The following NF1 variants were observed in gnomAD, a reference collection of about 807,000 sequenced individuals.
NF1 encodes the protein neurofibromin 1, also known as neurofibromin.
In NF1, 122 loss-of-function variants were observed where a neutral mutation model predicts 325.7. That is an observed-to-expected ratio of 0.37 (90% CI 0.32 to 0.44). NF1 has a LOEUF of 0.44. Among genes scored for constraint, NF1 ranks in the 20% least tolerant of loss-of-function variants. The probability of loss-of-function intolerance (pLI) is 1.00; values close to 1 mark genes in which losing one functional copy is unlikely to be tolerated. For missense variants in NF1, 2,140 were observed against 3,415.4 expected (o/e 0.63, Z 9.31); for synonymous variants, 1,091 against 1,186.0 (o/e 0.92, Z 1.65).
chr17:31,277,134 C>T (rs1009119981), intron 36 of NF1, among the ~76,000 whole-genome samples: 2 of 152,150 alleles, frequency 1.3e-5, no homozygotes, highest in African/African-American at 4.8e-5. Flanking sequence ...TCTTCATCCT[C>T]TTTATCTTCA....
At position 31,337,800 on chromosome 17, in the gene NF1, A is replaced by C. The variant is rs544476647; in HGVS notation, c.6643-19A>C. 1 of 1,612,256 alleles carries C rather than the reference A, an allele frequency of 6.2e-7. No individual in the cohort carries two copies. The highest frequency in any genetic ancestry group is 8.5e-7 in the Non-Finnish European group (1 of 1,178,434). On this transcript the variant is annotated intron_variant, in intron 43 of 57. Transcript: ENST00000358273. ...AAACATTTATGTACAATATGTATTC[A>C]GAGTATCCCCTTTTTTAGGCATGCA...
rs1060503907 is a variant in NF1, at chr17:31,219,058, A to C, written c.1581A>C (p.Thr527=). The C allele has an allele frequency of 1.2e-6, 2 of 1,613,922 alleles. No individual in the cohort carries two copies. Among genetic ancestry groups the C allele is most frequent in the Non-Finnish European group, 1.7e-6 (2 of 1,179,918 alleles). ...ETQGSTAELI[T]GLVQLVPQSH... is the part of the protein sequence containing the mutation. The stretch of plus-strand genomic sequence containing the variant: ...AAGGCAGTACAGCAGAATTAATTAC[A>C]GGGCTCGTCCAACTGGTCCCTCAGT... Residue 527 remains threonine, a synonymous_variant, in exon 14 of 58, where the codon ACA becomes ACC. Coordinates refer to ENST00000358273, the MANE Select transcript of NF1 (RefSeq NM_001042492.3).
chr17:31,211,106 A>G (rs1478876989), intron 12 of NF1, among the ~76,000 whole-genome samples: 1 of 152,192 alleles, frequency 6.6e-6, no homozygotes, highest in African/African-American at 2.4e-5. Flanking sequence ...TAAATTAACA[A>G]GTGGTTTGGG....
At chr17:31,155,253 A>G (rs913632623) in intron 1 of NF1, among the ~76,000 whole-genome samples, 1 of 152,216 alleles carries the variant, frequency 6.6e-6, no homozygotes, top group African/African-American at 2.4e-5. Flanking sequence ...TAAATACAGA[A>G]TGCTATTTTT....
intron 39 of NF1, chr17:31,331,695 C>G (rs2069492119): frequency 6.6e-6 from 1 of 151,694 alleles, no homozygotes; most frequent in Non-Finnish European, 1.5e-5. Flanking sequence ...TCACCGTACA[C>G]CATAAGATAC....
At chr17:31,129,793 A>G (rs1322603754) in intron 1 of NF1, among the ~76,000 whole-genome samples, 1 of 151,950 alleles carries the variant, frequency 6.6e-6, no homozygotes, top group Non-Finnish European at 1.5e-5. Flanking sequence ...TATACTGGCT[A>G]TTTTGTCTGT....
chr17:31,207,371 C>T (rs1358040229), intron 12 of NF1, among the ~76,000 whole-genome samples: 1 of 152,092 alleles, frequency 6.6e-6, no homozygotes, highest in Non-Finnish European at 1.5e-5. Flanking sequence ...ATTTAAACAG[C>T]TTTCTCCCTG....
At chr17:31,153,787 T>C (rs1157721939) in intron 1 of NF1, among the ~76,000 whole-genome samples, 1 of 151,554 alleles carries the variant, frequency 6.6e-6, no homozygotes, top group African/African-American at 2.4e-5. Flanking sequence ...TTTTTTTTTT[T>C]TTTTAAAGTA....
At chr17:31,294,167 T>C (rs1309920571) in intron 36 of NF1, among the ~76,000 whole-genome samples, 1 of 152,228 alleles carries the variant, frequency 6.6e-6, no homozygotes, top group East Asian at 1.9e-4. Context: ...AGATAAATTT[T>C]CTTCTCCTTC....
At position 31,372,731 on chromosome 17, in the gene NF1, T is replaced by C. The variant is rs541812016; in HGVS notation, c.8378-1282T>C. Among the ~76,000 whole-genome samples, 4 of 152,250 alleles carry C rather than the reference T, an allele frequency of 2.6e-5. No individual in the cohort carries two copies. The South Asian group carries it at 8.3e-4, about 32-fold the overall frequency. ...TGCTTAGATTATTTATAATATTAAT[T>C]GGGGTGGGGTGCAGTGGCTCATGCT... On this transcript the variant is annotated intron_variant, in intron 57 of 57. Transcript: ENST00000358273.
chr17:31,117,672 CAAAAAAAAAAAAA>C (rs780828438), intron 1 of NF1, among the ~76,000 whole-genome samples: 21 of 19,816 alleles, frequency 1.1e-3, no homozygotes, highest in South Asian at 5.3e-3. Context: ...AACTCCATCT[CAAAAAAAAAAAAA>C]AAAAAAAAAA....
At chr17:31,143,636 T>C (rs1916386454) in intron 1 of NF1, among the ~76,000 whole-genome samples, 1 of 152,168 alleles carries the variant, frequency 6.6e-6, no homozygotes, top group Non-Finnish European at 1.5e-5. Flanking sequence ...ATAATTGTAT[T>C]GACTAATCCA....
In NF1 at chr17:31,249,943, C is replaced by A. The variant is rs1471560558; in HGVS notation, c.4110+824C>A. On this transcript the variant is annotated intron_variant, in intron 30 of 57. Transcript: ENST00000358273. Reference sequence around the variant, plus strand: ...TATCAAAACCCATGTCTTTGTGTCTCTCTCTTTGCAGAGTCATCGCAGCCA... The same window carrying A: ...TATCAAAACCCATGTCTTTGTGTCTATCTCTTTGCAGAGTCATCGCAGCCA... The A allele has an allele frequency of 1.0e-5, 5 of 487,912 alleles. No homozygotes were observed. The East Asian group carries it at 2.0e-4, about 19-fold the overall frequency. The allele number at this position is 487,912 out of a possible 1,614,324, so 30.2% of individuals were successfully genotyped here.
rs774161532 is a variant in NF1 at position 31,337,410 on chromosome 17, C to T, written c.6470C>T (p.Ser2157Leu). The T allele has an allele frequency of 6.2e-7, 1 of 1,614,112 alleles. No individual in the cohort carries two copies. Residue 2157 changes from serine (S) to leucine (L), a missense_variant, in exon 43 of 58, where the codon TCA becomes TTA. Around this residue, in one of 10 missense-constraint regions of NF1, gnomAD observed 180 missense variants for 435.1 expected, o/e 0.41. Coordinates refer to ENST00000358273, the MANE Select transcript of NF1 (RefSeq NM_001042492.3). ...QVLRLSLTEFSLPKFYLLFGI... is the reference protein window; with the variant it reads ...QVLRLSLTEFLLPKFYLLFGI... ...TTGAGACTCAGTCTGACAGAGTTCT[C>T]ATTACCCAAATTTTACTTGCTGTTT... is the stretch of plus-strand genomic sequence containing the variant.
At chr17:31,285,203 G>A (rs2068201055) in intron 36 of NF1, among the ~76,000 whole-genome samples, 1 of 150,232 alleles carries the variant, frequency 6.7e-6, no homozygotes, top group Admixed American at 6.7e-5. Flanking sequence ...CTTGAACCCG[G>A]CAGGCAGAGG....
intron 15 of NF1, chr17:31,222,246 A>G (rs1392564853): frequency 3.7e-6 from 4 of 1,071,700 alleles, no homozygotes; most frequent in East Asian, 1.0e-4. Flanking sequence ...TTTCATAGTT[A>G]TAAGCCTAGA....
intron 3 of NF1, among the ~76,000 whole-genome samples, chr17:31,162,850 C>A (rs1457934283): frequency 6.6e-6 from 1 of 152,094 alleles, no homozygotes; most frequent in Non-Finnish European, 1.5e-5. Context: ...TAAGTCGATT[C>A]TGTAATTGTA....
intron 36 of NF1, among the ~76,000 whole-genome samples, chr17:31,269,970 G>A (rs566254852): frequency 6.6e-6 from 1 of 152,150 alleles, no homozygotes; most frequent in Non-Finnish European, 1.5e-5. Flanking sequence ...ATGGGGGCAG[G>A]GTTTTCACAA....
At chr17:31,278,298 T>C (rs1197765620) in intron 36 of NF1, 1 of 151,956 alleles carries the variant, frequency 6.6e-6, no homozygotes, top group Non-Finnish European at 1.5e-5. Flanking sequence ...ATAAATTTCA[T>C]ATAGCACTTT....
Sources: allele counts gnomAD v4.1 joint callset (sites outside exome capture counted in the v4.1 genomes callset), GRCh38; gene constraint gnomAD v4.1.1; regional missense constraint gnomAD v4.1.1; transcripts MANE v1.5; gene names NCBI Gene and HGNC (gene_info 2026-07-23, HGNC 2026-07-21).